Variants in ADAMTS2 observed in about 807,000 individuals in gnomAD.
ADAMTS2 encodes A disintegrin and metalloproteinase with thrombospondin motifs 2.
A neutral mutation model predicts 123.0 loss-of-function variants in ADAMTS2; 50 were observed. That is an observed-to-expected ratio of 0.41 (90% CI 0.32 to 0.51). The LOEUF is 0.51. ADAMTS2 is among the 20% of genes least tolerant of loss of function. ADAMTS2 has a pLI of 0.35. For missense variants in ADAMTS2, 1,494 were observed against 1,705.2 expected (o/e 0.88, Z 2.18); for synonymous variants, 678 against 695.4 (o/e 0.98, Z 0.39).
chr5:179,169,916 C>T (rs1160862219), intron 5 of ADAMTS2, among the ~76,000 whole-genome samples: 1 of 152,196 alleles, frequency 6.6e-6, no homozygotes, highest in Non-Finnish European at 1.5e-5. Context: ...CTCTGATGCT[C>T]CCCAAGTCTC....
intron 6 of ADAMTS2, among the ~76,000 whole-genome samples, chr5:179,157,488 C>A (rs561012797): frequency 6.6e-6 from 1 of 151,096 alleles, no homozygotes; most frequent in South Asian, 2.1e-4. Context: ...TTAGGTGCGT[C>A]TTGATATTTC....
In ADAMTS2 at chr5:179,314,664, G is replaced by A. The variant is rs1166594759; in HGVS notation, c.534+29103C>T. 6.6e-6 allele frequency among the ~76,000 whole-genome samples: 1 copy of A among 151,872 alleles called. No individual in the cohort carries two copies. Among genetic ancestry groups the A allele is most frequent in the African/African-American group, 2.4e-5 (1 of 41,278 alleles). The stretch of plus-strand genomic sequence containing the variant: ...CATGTGCTTGTCCCACAGGGTGACG[G>A]GCCAGAATTACAAGCCCCTGATTCT... On this transcript the variant is annotated intron_variant, in intron 2 of 21. Coordinates refer to ENST00000251582, the MANE Select transcript of ADAMTS2 (RefSeq NM_014244.5). This position sits in a 1 kb window ranked among gnomAD's most constrained non-coding sequence, Gnocchi z 4.5.
At chr5:179,299,144 A>T (rs1756426843) in intron 2 of ADAMTS2, among the ~76,000 whole-genome samples, 1 of 152,040 alleles carries the variant, frequency 6.6e-6, no homozygotes, top group Admixed American at 6.6e-5. Flanking sequence ...GAGTGACAAG[A>T]TCTCACTTCT....
At chr5:179,239,437 C>T (rs748818305) in intron 3 of ADAMTS2, among the ~76,000 whole-genome samples, 67 of 151,870 alleles carry the variant, frequency 4.4e-4, no homozygotes, top group Non-Finnish European at 5.9e-4. Context: ...AGGGTGAGCG[C>T]GAGTTCAGTG....
rs1257113662 is a variant in ADAMTS2, at chr5:179,139,954, C to T, written c.1711G>A (p.Gly571Ser). Residue 571 changes from glycine (G) to serine (S), a missense_variant, in exon 11 of 22, where the codon GGC becomes AGC. Gly to Ser is a moderately conservative substitution (Grantham distance 56). This residue lies in a region of ADAMTS2 where 953 missense variants were observed against 1,124.7 expected (regional missense o/e 0.85). Coordinates refer to ENST00000251582, the MANE Select transcript of ADAMTS2 (RefSeq NM_014244.5). ...DGSWGAWSPF[G>S]SCSRTCGTGV... ...GTGCCACAGGTACGTGAGCAGGAGC[C>T]AAACGGACTCCAAGCGCCCCAGCTG... 2 of 1,613,808 alleles carry T rather than the reference C, an allele frequency of 1.2e-6. No individual in the cohort carries two copies. The highest frequency in any genetic ancestry group is 1.7e-6 in the Non-Finnish European group (2 of 1,180,008).
At position 179,155,931 on chromosome 5, in the gene ADAMTS2, C is replaced by A. The variant is rs1393067731; in HGVS notation, c.1133-1012G>T. Reference sequence around the variant, plus strand: ...GGACCCCGGGTGAGCTGGCGGTGTACGCGCCTAAAAATAGAAGCATCGTGA... The same window carrying A: ...GGACCCCGGGTGAGCTGGCGGTGTAAGCGCCTAAAAATAGAAGCATCGTGA... On this transcript the variant is annotated intron_variant, in intron 6 of 21. Transcript: ENST00000251582. The surrounding 1 kb of genome is among the most constrained non-coding windows in gnomAD (Gnocchi z 5.1). Among the ~76,000 whole-genome samples, 1 of 152,040 alleles carries A rather than the reference C, an allele frequency of 6.6e-6. No homozygotes were observed. The highest frequency in any genetic ancestry group is 1.5e-5 in the Non-Finnish European group (1 of 68,018).
intron 11 of ADAMTS2, among the ~76,000 whole-genome samples, chr5:179,138,374 C>G (rs147969709): frequency 6.6e-6 from 1 of 152,182 alleles, no homozygotes; most frequent in African/African-American, 2.4e-5. Flanking sequence ...CCCTGGGCAC[C>G]GAGCCTAGCA....
rs539992542 is a variant in ADAMTS2 at position 179,274,942 on chromosome 5, G to C, written c.535-1878C>G. Among the ~76,000 whole-genome samples, 8 of 152,340 alleles carry C rather than the reference G, an allele frequency of 5.3e-5. No homozygotes were observed. The South Asian group carries it at 1.2e-3, about 24-fold the overall frequency. On this transcript the variant is annotated intron_variant, in intron 2 of 21. Coordinates refer to ENST00000251582, the MANE Select transcript of ADAMTS2 (RefSeq NM_014244.5). ...CCACCCAATCCCTTTGTGCTGGCCA[G>C]GCAAAGAGTCAGAGAGAGGACCAGT...
intron 2 of ADAMTS2, among the ~76,000 whole-genome samples, chr5:179,342,937 G>A (rs558586243): frequency 2.6e-5 from 4 of 152,220 alleles, no homozygotes; most frequent in South Asian, 2.1e-4. Flanking sequence ...CTAGAGAGGC[G>A]CAGGCAGTCT....
chr5:179,280,438 C>T (rs1302769751), intron 2 of ADAMTS2, among the ~76,000 whole-genome samples: 1 of 152,196 alleles, frequency 6.6e-6, no homozygotes, highest in East Asian at 1.9e-4. Context: ...GACTACGTAA[C>T]CTATGAATTA....
chr5:179,231,196 C>T (rs530957194), intron 3 of ADAMTS2, among the ~76,000 whole-genome samples: 16 of 152,266 alleles, frequency 1.1e-4, no homozygotes, highest in Admixed American at 7.2e-4. Flanking sequence ...TGTAATCAAA[C>T]GCATGAAAGC....
chr5:179,139,893 G>A lies in ADAMTS2; in HGVS notation c.1772C>T (p.Pro591Leu). 1.9e-6 allele frequency: 3 copies of A among 1,612,418 alleles called. No individual in the cohort carries two copies. The highest frequency in any genetic ancestry group is 8.5e-7 in the Non-Finnish European group (1 of 1,179,978). ...VKFRTRQCDN[P>L]HPANGGRTCS... is the part of the protein sequence containing the mutation. ...GGGGGACATGGGGCCAACTCACTGT[G>A]GGTTGTCACACTGGCGGGTCCTGAA... Residue 591 changes from proline to leucine, a missense_variant, in exon 11 of 22, where the codon CCA becomes CTA. Pro to Leu is a moderately conservative substitution (Grantham distance 98, BLOSUM62 -3). Transcript: ENST00000251582.
intron 2 of ADAMTS2, among the ~76,000 whole-genome samples, chr5:179,328,450 A>T (rs1327175883): frequency 3.9e-5 from 6 of 152,248 alleles, no homozygotes; most frequent in Admixed American, 3.9e-4. Context: ...GGAGCAAAGG[A>T]TCTGAAGCAG....
At chr5:179,145,772 A>T (rs1323086640) in intron 10 of ADAMTS2, among the ~76,000 whole-genome samples, 1 of 152,210 alleles carries the variant, frequency 6.6e-6, no homozygotes. Flanking sequence ...AGTGACAAAA[A>T]TGTTCCAGCG....
chr5:179,172,857 T>A (rs767828621), intron 5 of ADAMTS2, among the ~76,000 whole-genome samples: 22 of 152,080 alleles, frequency 1.4e-4, no homozygotes, highest in Non-Finnish European at 2.2e-4. Flanking sequence ...TTTTAAAAAA[T>A]CATTTAAAAA....
intron 5 of ADAMTS2, among the ~76,000 whole-genome samples, chr5:179,173,706 G>A (rs1763872003): frequency 6.6e-6 from 1 of 152,274 alleles, no homozygotes; most frequent in African/African-American, 2.4e-5. Context: ...ATGAATGTCT[G>A]GGGGCAAACA....
intron 5 of ADAMTS2, among the ~76,000 whole-genome samples, chr5:179,171,537 C>T (rs931146925): frequency 6.6e-6 from 1 of 152,218 alleles, no homozygotes; most frequent in Non-Finnish European, 1.5e-5. Context: ...CAGAGAAGGG[C>T]ACAGCAGCGG....
intron 2 of ADAMTS2, among the ~76,000 whole-genome samples, chr5:179,287,429 C>T (rs965412666): frequency 8.5e-5 from 13 of 152,294 alleles, no homozygotes; most frequent in East Asian, 1.9e-4. Context: ...CACTCTCTCA[C>T]GGTCCAGCAG....
intron 4 of ADAMTS2, among the ~76,000 whole-genome samples, chr5:179,184,792 C>T (rs1215347187): frequency 1.3e-5 from 2 of 152,122 alleles, no homozygotes; most frequent in East Asian, 2.0e-4. Flanking sequence ...CACTGCCTCA[C>T]CATGAATTGT....
Sources: gnomAD v4.1 joint callset for allele counts (sites outside exome capture counted in the v4.1 genomes callset) on GRCh38, gnomAD v4.1.1 for gene constraint, gnomAD v4.1.1 regional missense constraint, Gnocchi (gnomAD v3.1) non-coding constraint, MANE v1.5 for transcripts, NCBI Gene and HGNC (gene_info 2026-07-23, HGNC 2026-07-21) for gene names.